Variants in COL25A1 observed in about 807,000 individuals in gnomAD.
The protein encoded by COL25A1 is collagen alpha-1(XXV) chain.
A neutral mutation model predicts 128.4 loss-of-function variants in COL25A1; 103 were observed. The ratio of observed to expected loss-of-function variants is 0.80; its 90% CI spans 0.68 to 0.94. The LOEUF (loss-of-function observed/expected upper bound fraction) is 0.94. COL25A1 is among the 40% of genes least tolerant of loss of function. The pLI, the probability that COL25A1 is intolerant of heterozygous loss-of-function variation, is 0.00. For missense variants in COL25A1, 745 were observed against 840.0 expected, an observed-to-expected ratio of 0.89 and a Z score of 1.40; for synonymous variants, 279 against 277.2, an observed-to-expected ratio of 1.01 and a Z score of -0.06.
intron 28 of COL25A1, 103 bp downstream of exon 28, chr4:108,846,036 A>G (rs993005795): frequency 2.2e-5 from 16 of 735,152 alleles, no homozygotes; most frequent in Non-Finnish European, 3.4e-5. Context: ...ATGAACCACT[A>G]GATGAGATTG....
chr4:108,832,922 G>A (rs1419079744), intron 31 of COL25A1, among the ~76,000 whole-genome samples: 1 of 150,558 alleles, frequency 6.6e-6, no homozygotes, highest in Non-Finnish European at 1.5e-5. Flanking sequence ...AGCCAAGATC[G>A]TGCCACTGCA....
chr4:108,901,328 C>T (rs749034012), intron 13 of COL25A1, among the ~76,000 whole-genome samples, 156 bp from the exon 14 acceptor site: 30 of 152,098 alleles, frequency 2.0e-4, no homozygotes, highest in Non-Finnish European at 4.0e-4. Context: ...TGGTCCAAAA[C>T]GCTGCATGTA....
chr4:109,093,649 A>T (rs28621814), intron 3 of COL25A1, among the ~76,000 whole-genome samples: 14,983 of 151,736 alleles, frequency 0.099, 1,008 homozygotes, highest in East Asian at 0.29. Context: ...TCTTAAAAGA[A>T]AAAAAAAGAT....
At chr4:109,169,434 G>A (rs1040312058) in intron 3 of COL25A1, among the ~76,000 whole-genome samples, 2 of 152,136 alleles carry the variant, frequency 1.3e-5, no homozygotes, top group Non-Finnish European at 2.9e-5. Flanking sequence ...TTCACTTGCT[G>A]TAGCTTACAT....
chr4:108,974,459 T>C (rs1752231126), intron 7 of COL25A1, 66 bp from the exon 8 acceptor site: 3 of 1,608,280 alleles, frequency 1.9e-6, no homozygotes, highest in East Asian at 4.5e-5. Flanking sequence ...ATTAAAAAGA[T>C]CAAAATGTAA....
rs995023595 is a variant in COL25A1 at position 108,941,719 on chromosome 4, A to T, written c.493-282T>A. On this transcript the variant is annotated intron_variant, in intron 8 of 37. Coordinates refer to ENST00000399132, the MANE Select transcript of COL25A1 (RefSeq NM_198721.4). ...ATGTTGGACCTTTTTAATGTAGTTT[A>T]TTCCCAGAAACAGGTAAGCAAGTGC... 1.2e-4 allele frequency among the ~76,000 whole-genome samples: 19 copies of T among 152,256 alleles called. No individual in the cohort carries two copies. In the South Asian group the frequency reaches 3.7e-3, roughly 30 times the overall value.
At chr4:109,089,906 T>C (rs886214691) in intron 3 of COL25A1, among the ~76,000 whole-genome samples, 2 of 152,056 alleles carry the variant, frequency 1.3e-5, no homozygotes, top group African/African-American at 4.8e-5. Context: ...CGCCCAGCTA[T>C]ATTTTAGAAG....
At chr4:108,941,962 C>T (rs566612489) in intron 8 of COL25A1, among the ~76,000 whole-genome samples, 28 of 152,294 alleles carry the variant, frequency 1.8e-4, no homozygotes, top group Non-Finnish European at 3.2e-4. Flanking sequence ...TGGCATGGTT[C>T]TAGATTGCTA....
intron 8 of COL25A1, among the ~76,000 whole-genome samples, chr4:108,973,457 C>T (rs1478242261): frequency 6.6e-6 from 1 of 152,214 alleles, no homozygotes; most frequent in Non-Finnish European, 1.5e-5. Context: ...AAGTTTGCAT[C>T]AACTGCATCT....
intron 3 of COL25A1, among the ~76,000 whole-genome samples, chr4:109,175,114 G>A (rs1160132749): frequency 6.6e-6 from 1 of 152,122 alleles, no homozygotes; most frequent in Non-Finnish European, 1.5e-5. Context: ...CATGAAACTG[G>A]CCCCTGGTGC....
intron 24 of COL25A1, among the ~76,000 whole-genome samples, chr4:108,858,489 A>T (rs1395274449): frequency 4.6e-5 from 7 of 152,198 alleles, no homozygotes; most frequent in African/African-American, 1.7e-4. Flanking sequence ...TAAACTTTCT[A>T]TTCCCTCAAA....
intron 3 of COL25A1, among the ~76,000 whole-genome samples, chr4:109,090,308 TATG>T (rs1764782948): frequency 6.6e-6 from 1 of 152,160 alleles, no homozygotes; most frequent in South Asian, 2.1e-4. Context: ...TTTTGTCCCT[TATG>T]ATTTCCTTGT....
chr4:109,252,464 C>T (rs1780724182), intron 3 of COL25A1, among the ~76,000 whole-genome samples: 1 of 152,174 alleles, frequency 6.6e-6, no homozygotes, highest in South Asian at 2.1e-4. Flanking sequence ...GGGCAAGTGG[C>T]TCACTGGTAT....
chr4:109,159,121 A>T (rs1261727786), intron 3 of COL25A1, among the ~76,000 whole-genome samples: 4 of 151,890 alleles, frequency 2.6e-5, no homozygotes, highest in African/African-American at 7.3e-5. Context: ...CATGCTAAAA[A>T]TTTTTTATAA....
At chr4:109,164,366 A>C (rs934481352) in intron 3 of COL25A1, among the ~76,000 whole-genome samples, 2 of 152,188 alleles carry the variant, frequency 1.3e-5, no homozygotes, top group Non-Finnish European at 2.9e-5. Flanking sequence ...TTATACCACC[A>C]TCTCCCACAT....
intron 8 of COL25A1, chr4:108,942,312 C>A: frequency 6.6e-7 from 1 of 1,522,910 alleles, no homozygotes; most frequent in South Asian, 1.2e-5. Context: ...CATAAAACGT[C>A]ACACAGACAT....
chr4:108,924,272 T>A (rs934135070), intron 11 of COL25A1, among the ~76,000 whole-genome samples: 6 of 152,196 alleles, frequency 3.9e-5, no homozygotes, highest in African/African-American at 1.4e-4. Context: ...TAATACTCTT[T>A]CAGAAAACAT....
chr4:108,853,676 C>A (rs911140273), intron 24 of COL25A1, among the ~76,000 whole-genome samples: 3 of 151,924 alleles, frequency 2.0e-5, no homozygotes, highest in African/African-American at 7.3e-5. Flanking sequence ...TGCCCCCCAC[C>A]CCCTGACAGG....
intron 3 of COL25A1, among the ~76,000 whole-genome samples, chr4:109,071,084 G>C (rs867451979): frequency 6.6e-6 from 1 of 151,998 alleles, no homozygotes; most frequent in African/African-American, 2.4e-5. Flanking sequence ...ACATGGTACT[G>C]GTACCAAAAC....
Sources: allele counts gnomAD v4.1 joint callset (sites outside exome capture counted in the v4.1 genomes callset), GRCh38; gene constraint gnomAD v4.1.1; transcripts MANE v1.5; gene names NCBI Gene and HGNC (gene_info 2026-07-23, HGNC 2026-07-21).